Variants in ATP2C1 observed in about 807,000 individuals in gnomAD.
ATP2C1 encodes ATPase secretory pathway Ca2+ transporting 1.
A neutral mutation model predicts 120.5 loss-of-function variants in ATP2C1; 31 were observed. That is an observed-to-expected ratio of 0.26 (90% CI 0.19 to 0.35). ATP2C1 has a LOEUF of 0.35. Among genes scored for constraint, ATP2C1 ranks in the 10% least tolerant of loss-of-function variants. ATP2C1 has a pLI of 1.00. For missense variants in ATP2C1, 731 were observed against 1,107.5 expected (o/e 0.66, Z 4.83); for synonymous variants, 351 against 358.7 (o/e 0.98, Z 0.24).
chr3:130,910,559 A>T (rs199770090), intron 2 of ATP2C1, among the ~76,000 whole-genome samples: 381 of 123,974 alleles, frequency 3.1e-3, no homozygotes, highest in East Asian at 6.1e-3. Flanking sequence ...GTTTTTGCCC[A>T]TTCAGTATGA....
At chr3:130,916,244 C>CAA (rs577230633) in intron 2 of ATP2C1, among the ~76,000 whole-genome samples, 135 of 83,004 alleles carry the variant, frequency 1.6e-3, no homozygotes, top group African/African-American at 5.3e-3. Context: ...TGTCTCTACT[C>CAA]AAAAAAAAAA....
chr3:130,867,706 C>A (rs1346408791), intron 1 of ATP2C1, among the ~76,000 whole-genome samples: 31 of 148,070 alleles, frequency 2.1e-4, no homozygotes, highest in African/African-American at 7.5e-4. Flanking sequence ...TCTGCCCGGC[C>A]GCCACCCCGT....
Position 130,894,748 on chromosome 3 carries a change from C to G in ATP2C1, c.-22C>G. ...CACTAAAGACTTTGTAGCCATCAAC[C>G]CGAGTGCAGTTTCGATGGAAAATGA... On this transcript the variant is annotated 5_prime_UTR_variant, in exon 2 of 28. Transcript: ENST00000510168. This position sits in a 1 kb window ranked among gnomAD's most constrained non-coding sequence, Gnocchi z 4.5. 3 of 1,614,202 alleles carry G rather than the reference C, an allele frequency of 1.9e-6. No individual in the cohort carries two copies. The highest frequency in any genetic ancestry group is 1.7e-6 in the Non-Finnish European group (2 of 1,180,028).
chr3:130,989,061 G>T (rs1350529069), intron 20 of ATP2C1, among the ~76,000 whole-genome samples: 2 of 151,870 alleles, frequency 1.3e-5, no homozygotes, highest in East Asian at 3.9e-4. Flanking sequence ...GACCAGCCTG[G>T]CCAAGATGGT....
At position 130,852,169 on chromosome 3, in the gene ATP2C1, C is replaced by T. The variant is rs542028112; in HGVS notation, c.108+1241C>T. On this transcript the variant is annotated intron_variant, in intron 1 of 26. Transcript: ENST00000504381. ...CCAACTTTTGGTTTCCAAGTTTCAG[C>T]CTGCACTTGCTTTTGATGTAGAAAG... 3.9e-5 allele frequency among the ~76,000 whole-genome samples: 6 copies of T among 152,250 alleles called. No homozygotes were observed. In the Middle Eastern group the frequency reaches 0.017, roughly 432 times the overall value.
intron 1 of ATP2C1, among the ~76,000 whole-genome samples, chr3:130,873,016 A>C (rs2068485302): frequency 6.6e-6 from 1 of 152,236 alleles, no homozygotes; most frequent in Admixed American, 6.5e-5. Flanking sequence ...ATATTGACTA[A>C]GAGTGACTAA....
At chr3:130,951,112 C>G (rs1327490616) in intron 8 of ATP2C1, among the ~76,000 whole-genome samples, 1 of 152,018 alleles carries the variant, frequency 6.6e-6, no homozygotes, top group Non-Finnish European at 1.5e-5. Context: ...TATGAGCTTG[C>G]TAAATAAAAT....
intron 1 of ATP2C1, among the ~76,000 whole-genome samples, chr3:130,879,059 A>AAT (rs550686546): frequency 6.6e-6 from 1 of 151,856 alleles, no homozygotes; most frequent in South Asian, 2.1e-4. Context: ...CTTCAGTTTT[A>AAT]ATATATATAT....
At position 130,850,985 on chromosome 3, in the gene ATP2C1, T is replaced by G; in HGVS notation, c.108+57T>G. The G allele has an allele frequency of 3.1e-6, 3 of 956,598 alleles. No individual in the cohort carries two copies. The South Asian group carries it at 9.2e-5, about 29-fold the overall frequency. 59.3% of individuals were successfully genotyped at this position (956,598 alleles called of 1,614,324 possible). ...AACGGGTGCTTGTTCCTTGTTGCTT[T>G]TACGTCGCTTAGTGATTTCATTTGT... On this transcript the variant is annotated intron_variant, in intron 1 of 26. Coordinates refer to the ATP2C1 transcript ENST00000504381.
At chr3:130,930,242 A>G (rs1357471543) in intron 2 of ATP2C1, 174 bp from the exon 3 acceptor site, 4 of 644,986 alleles carry the variant, frequency 6.2e-6, no homozygotes, top group African/African-American at 5.5e-5. Flanking sequence ...CTTGAGAAGT[A>G]GCATGTGGTT....
chr3:130,870,860 C>A (rs1409858392), intron 1 of ATP2C1, among the ~76,000 whole-genome samples: 1 of 152,192 alleles, frequency 6.6e-6, no homozygotes, highest in Non-Finnish European at 1.5e-5. Flanking sequence ...TACTAAACAG[C>A]ATCAGACAAT....
intron 20 of ATP2C1, among the ~76,000 whole-genome samples, chr3:130,990,276 C>CG (rs1422179306): frequency 7.5e-6 from 1 of 133,456 alleles, no homozygotes; most frequent in African/African-American, 2.7e-5. Context: ...AGAGCAACCC[C>CG]CCCCCCCACA....
chr3:130,924,772 A>G (rs910867338), intron 2 of ATP2C1, among the ~76,000 whole-genome samples: 1 of 151,984 alleles, frequency 6.6e-6, no homozygotes, highest in African/African-American at 2.4e-5. Flanking sequence ...TTTTTTTAAA[A>G]TAATTTTTCT....
In ATP2C1 at chr3:130,996,746, C is replaced by G. The variant is rs768339671; in HGVS notation, c.2193C>G (p.Ala731=). 6.2e-7 allele frequency: 1 copy of G among 1,613,422 alleles called. No individual in the cohort carries two copies. The highest frequency in any genetic ancestry group is 1.1e-5 in the South Asian group (1 of 91,074). ...TGAACTTTCCTAATCCTCTCAATGC[C>G]ATGCAGATTTTGTGGATCAATATTA... is the stretch of plus-strand genomic sequence containing the variant. ...TLMNFPNPLN[A]MQILWINIIM... The change falls in exon 24 of 28, where the codon GCC becomes GCG. Residue 731 remains alanine, a synonymous_variant. Transcript: ENST00000510168.
chr3:130,869,967 G>C (rs2068377159), intron 1 of ATP2C1, among the ~76,000 whole-genome samples: 1 of 152,214 alleles, frequency 6.6e-6, no homozygotes, highest in South Asian at 2.1e-4. Context: ...GCCACAGGCT[G>C]ACTTTCTTGT....
chr3:130,982,420 C>T (rs191409678), intron 20 of ATP2C1, among the ~76,000 whole-genome samples: 1 of 152,296 alleles, frequency 6.6e-6, no homozygotes, highest in East Asian at 1.9e-4. Flanking sequence ...ACTTTATTAT[C>T]TTGGGCTGCC....
At chr3:130,948,430 C>A (rs2060236366) in intron 8 of ATP2C1, among the ~76,000 whole-genome samples, 1 of 150,950 alleles carries the variant, frequency 6.6e-6, no homozygotes, top group Non-Finnish European at 1.5e-5. Flanking sequence ...AATGAAAATT[C>A]TGTTATGTGA....
At chr3:130,996,531 A>G in intron 23 of ATP2C1, 149 bp from the exon 24 acceptor site, 2 of 670,994 alleles carry the variant, frequency 3.0e-6, no homozygotes, top group South Asian at 3.5e-5. Context: ...TTAGCTTTAA[A>G]ATGTCCACGT....
At chr3:130,936,773 C>T (rs185203397) in intron 5 of ATP2C1, among the ~76,000 whole-genome samples, 1,786 of 147,282 alleles carry the variant, frequency 0.012, 39 homozygotes, top group African/African-American at 0.041. Flanking sequence ...GCTGAGATCA[C>T]GCCCCTGCAC....
Sources: allele counts gnomAD v4.1 joint callset (sites outside exome capture counted in the v4.1 genomes callset), GRCh38; gene constraint gnomAD v4.1.1; non-coding constraint Gnocchi (gnomAD v3.1); transcripts MANE v1.5; gene names NCBI Gene and HGNC (gene_info 2026-07-23, HGNC 2026-07-21).